The following FAM184A variants were observed in gnomAD, a reference collection of about 807,000 sequenced individuals.
The protein encoded by FAM184A is family with sequence similarity 184 member A.
In FAM184A, 99 loss-of-function variants were observed where a neutral mutation model predicts 143.8. The ratio of observed to expected loss-of-function variants is 0.69; its 90% CI spans 0.58 to 0.81. The LOEUF (loss-of-function observed/expected upper bound fraction) is 0.81, where lower values mean the gene tolerates loss of function less well. Ranked by LOEUF, FAM184A falls within the 40% of genes least tolerant of loss-of-function variation. The probability of loss-of-function intolerance (pLI) is 0.00; values close to 1 mark genes in which losing one functional copy is unlikely to be tolerated. For missense variants in FAM184A, 1,217 were observed against 1,310.5 expected (o/e 0.93, Z 1.10); for synonymous variants, 427 against 446.4 (o/e 0.96, Z 0.55).
upstream of FAM184A, among the ~76,000 whole-genome samples, chr6:119,079,631 G>A (rs1394402617): frequency 6.6e-6 from 1 of 152,104 alleles, no homozygotes; most frequent in Non-Finnish European, 1.5e-5. Flanking sequence ...AATTGTACCT[G>A]TTTTTTTAAA....
intron 1 of FAM184A, among the ~76,000 whole-genome samples, chr6:119,114,103 G>T (rs1433022314): frequency 6.6e-6 from 1 of 152,166 alleles, no homozygotes; most frequent in Non-Finnish European, 1.5e-5. Flanking sequence ...GGTTCAGCAT[G>T]ATCTGTGGTC....
intron 7 of FAM184A, among the ~76,000 whole-genome samples, chr6:119,004,686 T>G (rs1474022796): frequency 6.6e-6 from 1 of 152,202 alleles, no homozygotes. Flanking sequence ...TACGCAGAGT[T>G]GTGGTAAACC....
intron 13 of FAM184A, among the ~76,000 whole-genome samples, 191 bp downstream of exon 13, chr6:118,974,833 C>T (rs890277518): frequency 3.0e-4 from 46 of 152,064 alleles, no homozygotes; most frequent in African/African-American, 1.1e-3. Flanking sequence ...ATACATGTTA[C>T]ATCATTCAAG....
chr6:119,123,847 C>A, intron 1 of FAM184A, among the ~76,000 whole-genome samples: 1 of 152,160 alleles, frequency 6.6e-6, no homozygotes, highest in East Asian at 1.9e-4. Flanking sequence ...GAAATATATT[C>A]AGAAACATTT....
rs1299560319 is a variant in FAM184A, at chr6:119,023,555, GCC to G, written c.1014+402_1014+403del. Among the ~76,000 whole-genome samples the G allele has an allele frequency of 8.9e-4, 6 of 6,728 alleles. No homozygotes were observed. The South Asian group carries it at 0.032, about 36-fold the overall frequency. 4.4% of individuals were successfully genotyped at this position (6,728 alleles called of 152,430 possible). A position where few individuals can be genotyped will look rare whatever the true frequency, so the allele number is the denominator to read the frequency against. On this transcript the variant is annotated intron_variant, in intron 2 of 17. Coordinates refer to ENST00000338891, the MANE Select transcript of FAM184A (RefSeq NM_024581.6). The stretch of plus-strand genomic sequence containing the variant: ...TTGTAAATAATTAGCAATATTGTCC[GCC>G]CCCCCCCCCAGGAACAGCGTATTAC...
chr6:119,127,070 C>T (rs2114869712), intron 1 of FAM184A, among the ~76,000 whole-genome samples: 1 of 152,218 alleles, frequency 6.6e-6, no homozygotes, highest in East Asian at 1.9e-4. Flanking sequence ...GTGGGACAGG[C>T]CATGGGTGGT....
chr6:119,101,376 T>C (rs903284442), intron 1 of FAM184A, among the ~76,000 whole-genome samples: 12 of 152,068 alleles, frequency 7.9e-5, no homozygotes, highest in African/African-American at 2.9e-4. Flanking sequence ...CCAGCCACAA[T>C]GCACTTTCAT....
intron 14 of FAM184A, among the ~76,000 whole-genome samples, chr6:118,972,531 G>A (rs1413860486): frequency 6.6e-6 from 1 of 152,140 alleles, no homozygotes; most frequent in Non-Finnish European, 1.5e-5. Flanking sequence ...CCAAGTGGAA[G>A]CATTAAAATG....
chr6:119,060,002 A>C (rs1460817828), intron 1 of FAM184A, among the ~76,000 whole-genome samples: 10 of 152,232 alleles, frequency 6.6e-5, no homozygotes, highest in Non-Finnish European at 1.5e-4. Flanking sequence ...TAAATTGGTC[A>C]CTAACAAATC....
At chr6:119,010,831 T>C (rs1372353283) in intron 6 of FAM184A, among the ~76,000 whole-genome samples, 1 of 152,190 alleles carries the variant, frequency 6.6e-6, no homozygotes, top group African/African-American at 2.4e-5. Flanking sequence ...TTAACCCACC[T>C]GGAACTTTGC....
intron 1 of FAM184A, among the ~76,000 whole-genome samples, chr6:119,061,769 G>A (rs1787259638): frequency 6.6e-6 from 1 of 151,978 alleles, no homozygotes; most frequent in Non-Finnish European, 1.5e-5. Flanking sequence ...GATGAGAGAG[G>A]ATGGGAAGGG....
At chr6:119,133,767 C>T (rs563731889) in intron 1 of FAM184A, among the ~76,000 whole-genome samples, 9 of 152,028 alleles carry the variant, frequency 5.9e-5, no homozygotes, top group African/African-American at 1.9e-4. Context: ...CTCTCAGTGT[C>T]TCTTACAAGT....
intron 9 of FAM184A, among the ~76,000 whole-genome samples, chr6:118,981,729 G>C (rs1278945212): frequency 6.6e-6 from 1 of 152,110 alleles, no homozygotes; most frequent in Non-Finnish European, 1.5e-5. Flanking sequence ...CTTCCAGAAG[G>C]GTTCTGGACA....
intron 1 of FAM184A, among the ~76,000 whole-genome samples, chr6:119,125,472 T>A (rs7744514): frequency 5.9e-5 from 9 of 151,942 alleles, no homozygotes; most frequent in Non-Finnish European, 5.9e-5. Flanking sequence ...GAGGTTTCAC[T>A]GTGTTGTCCA....
upstream of FAM184A, among the ~76,000 whole-genome samples, chr6:119,079,681 A>G (rs1788004225): frequency 6.6e-6 from 1 of 152,216 alleles, no homozygotes; most frequent in Non-Finnish European, 1.5e-5. Context: ...CAAATTCCCC[A>G]ACTCCATGTG....
chr6:119,055,187 T>A (rs1442373585), intron 1 of FAM184A, among the ~76,000 whole-genome samples: 1 of 152,192 alleles, frequency 6.6e-6, no homozygotes, highest in East Asian at 1.9e-4. Flanking sequence ...CTTAGCATAA[T>A]GTTTTCAAGA....
At chr6:119,132,200 A>G (rs1789551244) in intron 1 of FAM184A, among the ~76,000 whole-genome samples, 1 of 152,252 alleles carries the variant, frequency 6.6e-6, no homozygotes, top group South Asian at 2.1e-4. Context: ...ATTGAGTGTC[A>G]GAATATTTAT....
At chr6:119,148,647 G>A (rs761010811) in intron 1 of FAM184A, among the ~76,000 whole-genome samples, 16 of 152,110 alleles carry the variant, frequency 1.1e-4, no homozygotes, top group Non-Finnish European at 2.2e-4. Flanking sequence ...CCAACACCAT[G>A]AAACTGGAAT....
At chr6:119,076,065 G>C (rs1787860916) in intron 1 of FAM184A, among the ~76,000 whole-genome samples, 1 of 152,160 alleles carries the variant, frequency 6.6e-6, no homozygotes, top group Middle Eastern at 3.4e-3. Context: ...GCCCGCTCCT[G>C]GGAAATTTTG....
Sources: allele counts gnomAD v4.1 joint callset (sites outside exome capture counted in the v4.1 genomes callset), GRCh38; gene constraint gnomAD v4.1.1; transcripts MANE v1.5; gene names NCBI Gene and HGNC (gene_info 2026-07-23, HGNC 2026-07-21).